TRHDE: variants seen among roughly 807,000 people sequenced by gnomAD.
TRHDE encodes the protein thyrotropin-releasing hormone-degrading ectoenzyme.
In TRHDE, 72 loss-of-function variants were observed where a neutral mutation model predicts 125.7. The ratio of observed to expected loss-of-function variants is 0.57; its 90% CI spans 0.47 to 0.70. The LOEUF (loss-of-function observed/expected upper bound fraction) is 0.70. TRHDE is among the 30% of genes least tolerant of loss of function. The pLI is 0.00. For missense variants in TRHDE, 1,110 were observed against 1,327.1 expected, an observed-to-expected ratio of 0.84 and a Z score of 2.54; for synonymous variants, 509 against 509.1, an observed-to-expected ratio of 1.00 and a Z score of 0.00.
chr12:72,423,264 T>C (rs1216563431), intron 3 of TRHDE, among the ~76,000 whole-genome samples: 1 of 152,186 alleles, frequency 6.6e-6, no homozygotes, highest in Non-Finnish European at 1.5e-5. Context: ...GGTTAGTATA[T>C]TACATGAATT....
chr12:72,109,742 C>T (rs1352771472), intron 2 of TRHDE, among the ~76,000 whole-genome samples: 4 of 152,168 alleles, frequency 2.6e-5, no homozygotes, highest in Admixed American at 6.6e-5. Flanking sequence ...GTGGAAACTG[C>T]GTTATATGTC....
rs1268779618 is a variant in TRHDE, at chr12:72,272,827, G to A, written c.184G>A (p.Asp62Asn). The A allele has an allele frequency of 5.1e-6, 8 of 1,577,360 alleles. No homozygotes were observed. The highest frequency in any genetic ancestry group is 3.4e-5 in the Admixed American group (2 of 58,396). ...TCGGGCTGGCAGCAGGGGGCTCTCCGACCCGTGGGCAGACTCAGTGGGAGT... is the reference window on the plus strand; with the variant it reads ...TCGGGCTGGCAGCAGGGGGCTCTCCAACCCGTGGGCAGACTCAGTGGGAGT... ...ALRAGSRGLS[D>N]PWADSVGVRP... Residue 62 changes from aspartate to asparagine, a missense_variant, in exon 1 of 19, where the codon GAC becomes AAC. Physicochemically the swap from Asp to Asn is conservative, Grantham distance 23. Around this residue, in one of 5 missense-constraint regions of TRHDE, gnomAD observed 248 missense variants for 240.8 expected, o/e 1.03. Transcript: ENST00000261180. The surrounding 1 kb of genome is among the most constrained non-coding windows in gnomAD (Gnocchi z 6.7).
chr12:72,542,446 T>G (rs1426223702), intron 7 of TRHDE, 90 bp downstream of exon 7: 17 of 1,084,856 alleles, frequency 1.6e-5, no homozygotes, highest in Non-Finnish European at 2.1e-5. Flanking sequence ...ATTGCTGAAC[T>G]TGGTGGAAAA....
chr12:72,335,021 T>G (rs1330900407), intron 2 of TRHDE, among the ~76,000 whole-genome samples: 1 of 152,128 alleles, frequency 6.6e-6, no homozygotes, highest in East Asian at 1.9e-4. Flanking sequence ...GCAGAGAGGG[T>G]AGGCAGGAGA....
Position 72,504,496 on chromosome 12 carries a change from G to C in TRHDE, c.1722+4861G>C, listed in dbSNP as rs552142994. 2.0e-3 allele frequency among the ~76,000 whole-genome samples: 311 copies of C among 152,100 alleles called. 1 individual carries two copies. Among genetic ancestry groups the C allele is most frequent in the Admixed American group, 3.8e-3 (58 of 15,282 alleles). On this transcript the variant is annotated intron_variant, in intron 6 of 18. Transcript: ENST00000261180. ...TTCTTGTATTTTTAGTAGAGACGAG[G>C]TTTCACCATATTGGCCAGGCTGGTC...
chr12:72,450,480 G>A (rs988269290), intron 3 of TRHDE, among the ~76,000 whole-genome samples: 4 of 151,922 alleles, frequency 2.6e-5, no homozygotes, highest in Admixed American at 6.6e-5. Context: ...TGCATACATC[G>A]TGGAATGGCT....
At chr12:72,552,871 GT>G (rs1869742717) in intron 7 of TRHDE, among the ~76,000 whole-genome samples, 2 of 152,148 alleles carry the variant, frequency 1.3e-5, no homozygotes, top group South Asian at 2.1e-4. Flanking sequence ...AGCTGTAATG[GT>G]TTTAAGCTGG....
intron 2 of TRHDE, among the ~76,000 whole-genome samples, chr12:72,229,330 C>T (rs534570792): frequency 6.6e-6 from 1 of 152,230 alleles, no homozygotes; most frequent in African/African-American, 2.4e-5. Context: ...CAGGGGAACT[C>T]CCCTTTTTAA....
At chr12:72,520,456 C>G (rs1879135899) in intron 6 of TRHDE, among the ~76,000 whole-genome samples, 2 of 152,258 alleles carry the variant, frequency 1.3e-5, no homozygotes, top group Admixed American at 6.5e-5. Flanking sequence ...ACTCCCTGAC[C>G]CTTTGCGCTT....
At position 72,559,517 on chromosome 12, in the gene TRHDE, G is replaced by A. The variant is rs137953655; in HGVS notation, c.1789-2648G>A. On this transcript the variant is annotated intron_variant, in intron 7 of 18. Transcript: ENST00000261180. Reference sequence around the variant, plus strand: ...TAAATAGAGTTTTAACTTTTAATCAGTCTATATTATTTGGTATGTCTCTTA... The same window carrying A: ...TAAATAGAGTTTTAACTTTTAATCAATCTATATTATTTGGTATGTCTCTTA... Among the ~76,000 whole-genome samples the A allele has an allele frequency of 6.6e-3, 1,007 of 152,104 alleles. 8 individuals are homozygous for A. The highest frequency in any genetic ancestry group is 0.01 in the Non-Finnish European group (694 of 67,966).
chr12:72,160,547 G>C (rs1472663915), intron 2 of TRHDE, among the ~76,000 whole-genome samples: 1 of 152,038 alleles, frequency 6.6e-6, no homozygotes, highest in African/African-American at 2.4e-5. Flanking sequence ...AAATTAGCTG[G>C]GCTTGGTGGA....
At chr12:72,193,436 A>G (rs183613581) in intron 2 of TRHDE, among the ~76,000 whole-genome samples, 1 of 152,298 alleles carries the variant, frequency 6.6e-6, no homozygotes, top group Non-Finnish European at 1.5e-5. Flanking sequence ...TCACAATTCA[A>G]TTTCAGTCTG....
chr12:72,186,994 G>T (rs1165741263), intron 2 of TRHDE, among the ~76,000 whole-genome samples: 1 of 151,994 alleles, frequency 6.6e-6, no homozygotes, highest in African/African-American at 2.4e-5. Context: ...ATGACCAGGT[G>T]TTCAGAAGCT....
At chr12:72,230,226 T>G (rs1353489106) in intron 2 of TRHDE, among the ~76,000 whole-genome samples, 1 of 152,140 alleles carries the variant, frequency 6.6e-6, no homozygotes, top group East Asian at 1.9e-4. Flanking sequence ...CCTATCTAGG[T>G]TTGGGTCATT....
intron 3 of TRHDE, among the ~76,000 whole-genome samples, chr12:72,397,377 G>A (rs534417631): frequency 6.6e-6 from 1 of 152,178 alleles, no homozygotes; most frequent in South Asian, 2.1e-4. Context: ...TTGAACTTTT[G>A]CAACTTTTCC....
intron 6 of TRHDE, among the ~76,000 whole-genome samples, chr12:72,511,593 A>G (rs773157958): frequency 2.0e-5 from 3 of 152,182 alleles, no homozygotes; most frequent in Admixed American, 6.6e-5. Flanking sequence ...GAAAATGTAC[A>G]TGGTGGGAGG....
intron 1 of TRHDE, among the ~76,000 whole-genome samples, chr12:72,285,473 A>T (rs1879845136): frequency 6.6e-6 from 1 of 150,826 alleles, no homozygotes; most frequent in Non-Finnish European, 1.5e-5. Flanking sequence ...AACTTTTGTC[A>T]TGAATGTTTT....
At chr12:72,224,099 T>TATCTATCTATC (rs1285344307) in intron 2 of TRHDE, among the ~76,000 whole-genome samples, 1 of 34,506 alleles carries the variant, frequency 2.9e-5, no homozygotes, top group Non-Finnish European at 6.0e-5. Context: ...TCCATCTATC[T>TATCTATCTATC]ATCTATCTAT....
intron 6 of TRHDE, 101 bp downstream of exon 6, chr12:72,499,736 A>G: frequency 7.7e-7 from 1 of 1,295,246 alleles, no homozygotes; most frequent in Non-Finnish European, 1.1e-6. Flanking sequence ...CCGGGCAGAT[A>G]GACATAGACT....
Sources: allele counts gnomAD v4.1 joint callset (sites outside exome capture counted in the v4.1 genomes callset), GRCh38; gene constraint gnomAD v4.1.1; regional missense constraint gnomAD v4.1.1; non-coding constraint Gnocchi (gnomAD v3.1); transcripts MANE v1.5; gene names NCBI Gene and HGNC (gene_info 2026-07-23, HGNC 2026-07-21).